Variants in DNAH11 observed in about 807,000 individuals in gnomAD.
DNAH11 encodes dynein axonemal heavy chain 11.
In DNAH11, 442 loss-of-function variants were observed where a neutral mutation model predicts 526.0. That is an observed-to-expected ratio of 0.84 (90% CI 0.78 to 0.91). The LOEUF is 0.91. Among genes scored for constraint, DNAH11 ranks in the 40% least tolerant of loss-of-function variants. The pLI, the probability that DNAH11 is intolerant of heterozygous loss-of-function variation, is 0.00. For missense variants in DNAH11, 6,989 were observed against 5,448.7 expected, an observed-to-expected ratio of 1.28 and a Z score of -8.90; for synonymous variants, 2,461 against 1,935.9, an observed-to-expected ratio of 1.27 and a Z score of -7.12.
chr7:21,571,305 G>A (rs1783878936), intron 7 of DNAH11, among the ~76,000 whole-genome samples: 1 of 152,116 alleles, frequency 6.6e-6, no homozygotes, highest in South Asian at 2.1e-4. Flanking sequence ...TTTAGAGACA[G>A]GGTCTCATTC....
At chr7:21,870,123 C>T (rs1179376290) in intron 73 of DNAH11, among the ~76,000 whole-genome samples, 10 of 152,156 alleles carry the variant, frequency 6.6e-5, no homozygotes, top group Admixed American at 6.5e-4. Flanking sequence ...GAAAAGTGAG[C>T]ATCCGAGTGG....
chr7:21,863,340 T>G (rs1020902279), intron 69 of DNAH11, among the ~76,000 whole-genome samples: 31 of 152,184 alleles, frequency 2.0e-4, no homozygotes, highest in Non-Finnish European at 2.8e-4. Flanking sequence ...GTTTTTTTGT[T>G]TGTTTTGAGA....
chr7:21,759,675 A>G (rs1157025853), intron 54 of DNAH11, among the ~76,000 whole-genome samples: 1 of 150,482 alleles, frequency 6.6e-6, no homozygotes, highest in African/African-American at 2.5e-5. Flanking sequence ...AGAATAAACT[A>G]TATCAACTGG....
intron 30 of DNAH11, among the ~76,000 whole-genome samples, chr7:21,675,586 A>G (rs1447742876): frequency 1.3e-5 from 2 of 152,184 alleles, no homozygotes; most frequent in Non-Finnish European, 2.9e-5. Flanking sequence ...AACAAGAACC[A>G]CATTTGTCAT....
chr7:21,781,145 G>T (rs921635447), intron 57 of DNAH11, among the ~76,000 whole-genome samples: 2 of 152,146 alleles, frequency 1.3e-5, no homozygotes, highest in African/African-American at 4.8e-5. Context: ...ATACTAAAGG[G>T]GGTGAATATG....
At chr7:21,702,947 G>A in intron 37 of DNAH11, 145 bp downstream of exon 37, 1 of 701,774 alleles carries the variant, frequency 1.4e-6, no homozygotes, top group Non-Finnish European at 2.3e-6. Flanking sequence ...TTTGAGGATT[G>A]GCGTTCCTTA....
intron 14 of DNAH11, 98 bp downstream of exon 14, chr7:21,591,675 G>T: frequency 8.1e-7 from 1 of 1,229,752 alleles, no homozygotes. Flanking sequence ...CTTTTATCAA[G>T]CCTGAAAGAG....
At chr7:21,899,489 C>T (rs374326141) in intron 80 of DNAH11, 41 bp downstream of exon 80, 6 of 1,478,326 alleles carry the variant, frequency 4.1e-6, no homozygotes, top group Non-Finnish European at 4.7e-6. Flanking sequence ...CACACAGGAC[C>T]ACAGCCTAAC....
intron 62 of DNAH11, among the ~76,000 whole-genome samples, chr7:21,803,060 T>C (rs1789067062): frequency 6.6e-6 from 1 of 151,976 alleles, no homozygotes; most frequent in African/African-American, 2.4e-5. Context: ...ATAAAGTCTG[T>C]AACTACACTA....
intron 6 of DNAH11, among the ~76,000 whole-genome samples, chr7:21,567,067 C>T (rs894499662): frequency 6.6e-6 from 1 of 152,150 alleles, no homozygotes; most frequent in African/African-American, 2.4e-5. Context: ...ACAATCTTTT[C>T]ATGGCTCTTG....
At position 21,686,557 on chromosome 7, in the gene DNAH11, G is replaced by T. The variant is rs555240995; in HGVS notation, c.5622-542G>T. Among the ~76,000 whole-genome samples the T allele has an allele frequency of 5.4e-3, 826 of 152,224 alleles. 9 individuals carry two copies. Among genetic ancestry groups the T allele is most frequent in the African/African-American group, 0.019 (782 of 41,552 alleles). On this transcript the variant is annotated intron_variant, in intron 32 of 81. Transcript: ENST00000409508. ...GTAGCAACACATTCCAAAGGAATTT[G>T]TAAAATATATTTAAATACAGTAAAT... is the stretch of plus-strand genomic sequence containing the variant.
chr7:21,887,933 C>A (rs62445890), intron 76 of DNAH11, among the ~76,000 whole-genome samples: 10 of 152,192 alleles, frequency 6.6e-5, no homozygotes, highest in Non-Finnish European at 1.0e-4. Context: ...TTTCTCTGCA[C>A]CATACTGCCC....
intron 69 of DNAH11, among the ~76,000 whole-genome samples, chr7:21,863,138 C>A (rs1351238623): frequency 6.6e-6 from 1 of 151,604 alleles, no homozygotes; most frequent in African/African-American, 2.4e-5. Context: ...AGACCACATT[C>A]CTAGATAAAA....
At chr7:21,595,613 C>T (rs1784833055) in intron 14 of DNAH11, among the ~76,000 whole-genome samples, 1 of 152,042 alleles carries the variant, frequency 6.6e-6, no homozygotes, top group Non-Finnish European at 1.5e-5. Flanking sequence ...GAGGAAGAGA[C>T]TTAGCAGGGA....
chr7:21,798,845 A>T (rs1788835164), intron 61 of DNAH11, among the ~76,000 whole-genome samples: 5 of 152,098 alleles, frequency 3.3e-5, no homozygotes. Flanking sequence ...GTCATTTTTA[A>T]TTATTTTTGT....
intron 73 of DNAH11, among the ~76,000 whole-genome samples, chr7:21,872,781 C>A (rs576747239): frequency 2.1e-4 from 32 of 152,300 alleles, no homozygotes; most frequent in Non-Finnish European, 4.4e-4. Context: ...GCCTTGCTTC[C>A]CTTATTTCCT....
chr7:21,888,864 C>T (rs1207846736), intron 76 of DNAH11, among the ~76,000 whole-genome samples: 1 of 152,096 alleles, frequency 6.6e-6, no homozygotes, highest in Admixed American at 6.5e-5. Context: ...TCTATCGATT[C>T]TTTTTGTTTT....
Position 21,707,732 on chromosome 7 carries a change from A to G in DNAH11, c.6580A>G (p.Met2194Val), listed in dbSNP as rs1418789300. Residue 2194 changes from methionine (M) to valine (V), a missense_variant, in exon 40 of 82, where the codon ATG becomes GTG. Transcript: ENST00000409508. ...AACACTGAACCGAACATATGTTAAC[A>G]TGAAACAGAAGCCGGTTTGGAATGA... ...LRTLNRTYVN[M>V]KQKPVWNDLN... 6.2e-7 allele frequency: 1 copy of G among 1,613,512 alleles called. No individual in the cohort carries two copies. Among genetic ancestry groups the G allele is most frequent in the Non-Finnish European group, 8.5e-7 (1 of 1,179,654 alleles).
intron 6 of DNAH11, among the ~76,000 whole-genome samples, chr7:21,566,253 AG>A (rs1294287696): frequency 6.6e-6 from 1 of 152,122 alleles, no homozygotes; most frequent in Non-Finnish European, 1.5e-5. Context: ...GAGTCTGCCA[AG>A]CTCCTGATAA....
Sources: allele counts gnomAD v4.1 joint callset (sites outside exome capture counted in the v4.1 genomes callset), GRCh38; gene constraint gnomAD v4.1.1; transcripts MANE v1.5; gene names NCBI Gene and HGNC (gene_info 2026-07-23, HGNC 2026-07-21).